Variants in MTOR observed in about 807,000 individuals in gnomAD.
MTOR encodes the protein serine/threonine-protein kinase mTOR.
A neutral mutation model predicts 319.8 loss-of-function variants in MTOR; 70 were observed. The observed-to-expected ratio is 0.22, with a 90% CI of 0.18 to 0.27. MTOR has a LOEUF of 0.27. MTOR is among the 10% of genes least tolerant of loss of function. MTOR has a pLI of 1.00. For missense variants in MTOR, 1,890 were observed against 3,274.4 expected, an observed-to-expected ratio of 0.58 and a Z score of 10.32; for synonymous variants, 1,183 against 1,211.4, an observed-to-expected ratio of 0.98 and a Z score of 0.49.
In MTOR at chr1:11,129,624, C is replaced by A; in HGVS notation, c.5714+114G>T. 2.3e-6 allele frequency: 2 copies of A among 886,350 alleles called. No homozygotes were observed. Among genetic ancestry groups the A allele is most frequent in the South Asian group, 1.6e-5 (1 of 63,096 alleles). The allele number at this position is 886,350 out of a possible 1,614,324, so 54.9% of individuals were successfully genotyped here. ...CAGTGCAGAAAAAAGGCACATACAT[C>A]GATCTTGGGTGTCCTGATCAGGGTC... On this transcript the variant is annotated intron_variant, in intron 40 of 57. Transcript: ENST00000361445. This position sits in a 1 kb window ranked among gnomAD's most constrained non-coding sequence, Gnocchi z 4.7.
intron 53 of MTOR, 126 bp downstream of exon 53, chr1:11,114,192 A>T: frequency 8.7e-7 from 1 of 1,144,702 alleles, no homozygotes; most frequent in Non-Finnish European, 1.2e-6. Context: ...AAGGGGTCTT[A>T]CTATGTTGCC....
At chr1:11,230,087 C>T (rs1438323790) in intron 18 of MTOR, among the ~76,000 whole-genome samples, 1 of 151,564 alleles carries the variant, frequency 6.6e-6, no homozygotes, top group Non-Finnish European at 1.5e-5. Flanking sequence ...CCCTATTCCC[C>T]CTCCCTGAGT....
intron 6 of MTOR, among the ~76,000 whole-genome samples, chr1:11,250,518 T>C (rs1649535397): frequency 1.3e-5 from 2 of 152,100 alleles, no homozygotes; most frequent in African/African-American, 4.8e-5. Context: ...CTGGCTCTCC[T>C]CCTCCCTCCC....
At chr1:11,122,826 A>G (rs1158341401) in intron 47 of MTOR, among the ~76,000 whole-genome samples, 1 of 151,998 alleles carries the variant, frequency 6.6e-6, no homozygotes, top group African/African-American at 2.4e-5. Context: ...ATTTTTAATG[A>G]GCCCCCGCCG....
At chr1:11,217,387 C>T (rs1280953829) in intron 19 of MTOR, among the ~76,000 whole-genome samples, 20 of 151,692 alleles carry the variant, frequency 1.3e-4, no homozygotes. Flanking sequence ...TTTGACACCC[C>T]TTCCCCCAAT....
rs80227287 is a variant in MTOR, at chr1:11,235,013, T to C, written c.2209-748A>G. Among the ~76,000 whole-genome samples the C allele has an allele frequency of 4.1e-3, 626 of 152,338 alleles. 10 individuals are homozygous for C. Among genetic ancestry groups the C allele is most frequent in the African/African-American group, 0.014 (588 of 41,570 alleles). On this transcript the variant is annotated intron_variant, in intron 13 of 57. Coordinates refer to ENST00000361445, the MANE Select transcript of MTOR (RefSeq NM_004958.4). ...GTTAACTCAGCTACCCAGAGGAGTC[T>C]ACAATTTAACATTACATTTTGTCTT...
At chr1:11,224,426 A>G (rs1646765371) in intron 19 of MTOR, among the ~76,000 whole-genome samples, 1 of 152,240 alleles carries the variant, frequency 6.6e-6, no homozygotes, top group South Asian at 2.1e-4. Flanking sequence ...TCAAAGATAC[A>G]TAAAACAAGA....
chr1:11,144,638 C>T lies in MTOR; in HGVS notation c.4872+10G>A. 6.2e-7 allele frequency: 1 copy of T among 1,613,834 alleles called. No homozygotes were observed. Among genetic ancestry groups the T allele is most frequent in the South Asian group, 1.1e-5 (1 of 91,062 alleles). On this transcript the variant is annotated intron_variant, in intron 34 of 57. Transcript: ENST00000361445. ...TAGGTGGGTGAACTGGGGCTTTCTA[C>T]CAAGCTCACCTGCAGTCTCTCCCAC...
intron 46 of MTOR, among the ~76,000 whole-genome samples, chr1:11,125,912 G>A (rs548761337): frequency 4.7e-4 from 71 of 151,254 alleles, no homozygotes; most frequent in African/African-American, 1.6e-3. Flanking sequence ...GTGGTGGTGC[G>A]TGCCTGTAAT....
chr1:11,187,696 T>C (rs1645367192), intron 28 of MTOR, among the ~76,000 whole-genome samples: 1 of 152,160 alleles, frequency 6.6e-6, no homozygotes, highest in Admixed American at 6.5e-5. Flanking sequence ...CACTTGAAAA[T>C]CCCTATTTTT....
chr1:11,184,894 G>A (rs1034158554), intron 28 of MTOR, among the ~76,000 whole-genome samples: 1 of 152,134 alleles, frequency 6.6e-6, no homozygotes, highest in African/African-American at 2.4e-5. Context: ...CCCGGGCACG[G>A]CCCCCCTCCA....
In MTOR at chr1:11,167,951, T is replaced by TCCCAGCTA. The variant is rs536883066; in HGVS notation, c.4254-442_4254-435dup. The stretch of plus-strand genomic sequence containing the variant: ...CGGGCGTGGTGGCAGGCACCTGTAG[T>TCCCAGCTA]CCCAGCTACTCAGGAGGCTGACGCG... On this transcript the variant is annotated intron_variant, in intron 28 of 57. Transcript: ENST00000361445. Among the ~76,000 whole-genome samples the TCCCAGCTA allele has an allele frequency of 3.2e-4, 49 of 152,014 alleles. No homozygotes were observed. In the South Asian group the frequency reaches 8.1e-3, roughly 25 times the overall value.
chr1:11,231,244 T>C, intron 17 of MTOR, 56 bp downstream of exon 17: 1 of 1,608,872 alleles, frequency 6.2e-7, no homozygotes, highest in South Asian at 1.1e-5. Context: ...CAACCATCTC[T>C]CTCTTGCCAT....
At chr1:11,196,859 A>AAG (rs1553186648) in intron 28 of MTOR, among the ~76,000 whole-genome samples, 4 of 151,802 alleles carry the variant, frequency 2.6e-5, no homozygotes, top group South Asian at 2.1e-4. Context: ...TAAAAAAAAA[A>AAG]AAAAGAAAAG....
chr1:11,194,348 T>G, intron 28 of MTOR: 2 of 980,494 alleles, frequency 2.0e-6, no homozygotes, highest in East Asian at 2.4e-5. Context: ...TCTTATTAGA[T>G]TCACACCTAT....
intron 38 of MTOR, 114 bp from the exon 39 acceptor site, chr1:11,130,891 T>C: frequency 7.5e-7 from 1 of 1,337,616 alleles, no homozygotes; most frequent in Middle Eastern, 2.3e-4. Flanking sequence ...TGTGTGTCCA[T>C]AAAGCAAACA....
Position 11,139,641 on chromosome 1 carries a change from T to C in MTOR, c.4890A>G (p.Val1630=), listed in dbSNP as rs200990468. Residue 1630 remains valine, a synonymous_variant, in exon 35 of 58, where the codon GTA becomes GTG. Transcript: ENST00000361445. ...CCATAAGGATTTTCTGCCAGTCCTC[T>C]ACGATACGCTGGCAGCCCTGGAACA... ...WERLQGCQRI[V]EDWQKILMVR... is the part of the protein sequence containing the mutation. The C allele has an allele frequency of 2.7e-5, 44 of 1,614,202 alleles. No homozygotes were observed. In the African/African-American group the frequency reaches 4.5e-4, roughly 17 times the overall value.
intron 21 of MTOR, 88 bp downstream of exon 21, chr1:11,213,311 T>G: frequency 1.4e-6 from 2 of 1,424,474 alleles, no homozygotes; most frequent in South Asian, 1.4e-5. Context: ...AACCTGTCAC[T>G]CAGAATGAGG....
At position 11,128,328 on chromosome 1, in the gene MTOR, A is replaced by G; in HGVS notation, c.5910+126T>C. 1 of 1,243,418 alleles carries G rather than the reference A, an allele frequency of 8.0e-7. No homozygotes were observed. Among genetic ancestry groups the G allele is most frequent in the Non-Finnish European group, 1.1e-6 (1 of 878,506 alleles). 77.0% of individuals were successfully genotyped at this position (1,243,418 alleles called of 1,614,324 possible). A position where few individuals can be genotyped will look rare whatever the true frequency, so the allele number is the denominator to read the frequency against. On this transcript the variant is annotated intron_variant, in intron 42 of 57. Transcript: ENST00000361445. This position sits in a 1 kb window ranked among gnomAD's most constrained non-coding sequence, Gnocchi z 5.3. The stretch of plus-strand genomic sequence containing the variant: ...CCCTCTGGGACGGCTGGCTGGACAG[A>G]CCCTCCTGGGCCAGGATGGAACACA...
Sources: allele counts gnomAD v4.1 joint callset (sites outside exome capture counted in the v4.1 genomes callset), GRCh38; gene constraint gnomAD v4.1.1; non-coding constraint Gnocchi (gnomAD v3.1); transcripts MANE v1.5; gene names NCBI Gene and HGNC (gene_info 2026-07-23, HGNC 2026-07-21).